Variants in HIVEP3 observed in about 807,000 individuals in gnomAD.
The protein encoded by HIVEP3 is transcription factor HIVEP3.
In HIVEP3, 49 loss-of-function variants were observed where a neutral mutation model predicts 152.8. That is an observed-to-expected ratio of 0.32 (90% CI 0.26 to 0.41). The LOEUF is 0.41. Ranked by LOEUF, HIVEP3 falls within the 10% of genes least tolerant of loss-of-function variation. The probability of loss-of-function intolerance (pLI) is 1.00; values close to 1 mark genes in which losing one functional copy is unlikely to be tolerated. For missense variants in HIVEP3, 2,790 were observed against 3,103.3 expected, an observed-to-expected ratio of 0.90 and a Z score of 2.40; for synonymous variants, 1,269 against 1,289.0, an observed-to-expected ratio of 0.98 and a Z score of 0.33.
intron 1 of HIVEP3, among the ~76,000 whole-genome samples, chr1:41,752,445 A>G (rs1647182090): frequency 6.6e-6 from 1 of 152,150 alleles, no homozygotes; most frequent in African/African-American, 2.4e-5. Context: ...TGCGGCTCTG[A>G]CTGTGATGTG....
chr1:41,564,628 T>G (rs1333658661), intron 5 of HIVEP3, among the ~76,000 whole-genome samples: 1 of 152,222 alleles, frequency 6.6e-6, no homozygotes, highest in East Asian at 1.9e-4. Context: ...AGCAATGTCT[T>G]GACAATACTG....
intron 1 of HIVEP3, among the ~76,000 whole-genome samples, chr1:41,784,763 T>TA (rs1054327439): frequency 5.3e-5 from 8 of 152,212 alleles, no homozygotes; most frequent in Non-Finnish European, 1.0e-4. Context: ...GTAGTCTTCT[T>TA]ACAACCACAT....
chr1:41,807,524 G>A (rs1650706368), intron 1 of HIVEP3, among the ~76,000 whole-genome samples: 2 of 152,184 alleles, frequency 1.3e-5, no homozygotes, highest in South Asian at 2.1e-4. Context: ...AATCCTGCCA[G>A]GCAGTTGTTC....
intron 1 of HIVEP3, among the ~76,000 whole-genome samples, chr1:41,768,528 T>G (rs79254366): frequency 0.012 from 1,834 of 152,294 alleles, 29 homozygotes; most frequent in East Asian, 0.076. Context: ...AATCTGTAAA[T>G]TTGTGGAATT....
At chr1:41,806,886 G>A (rs1000429482) in intron 1 of HIVEP3, among the ~76,000 whole-genome samples, 6 of 152,050 alleles carry the variant, frequency 3.9e-5, no homozygotes, top group East Asian at 3.9e-4. Flanking sequence ...TGATGTGCTC[G>A]CCACCCCTTG....
At chr1:41,529,205 T>C (rs1643147693) in intron 5 of HIVEP3, among the ~76,000 whole-genome samples, 1 of 77,808 alleles carries the variant, frequency 1.3e-5, no homozygotes, top group Non-Finnish European at 2.3e-5. Context: ...CTTACACCCA[T>C]ACACTCACAC....
At chr1:41,844,835 A>G (rs1355233031) in intron 1 of HIVEP3, among the ~76,000 whole-genome samples, 1 of 152,258 alleles carries the variant, frequency 6.6e-6, no homozygotes, top group Non-Finnish European at 1.5e-5. Flanking sequence ...CTAACATCTC[A>G]TATAGAATAA....
At chr1:41,906,599 T>C (rs932457514) in intron 1 of HIVEP3, among the ~76,000 whole-genome samples, 2 of 152,096 alleles carry the variant, frequency 1.3e-5, no homozygotes, top group African/African-American at 4.8e-5. Context: ...GTTCTATATT[T>C]TGATGGTGGT....
At chr1:41,949,054 T>C (rs2124490144) in intron 1 of HIVEP3, among the ~76,000 whole-genome samples, 1 of 152,204 alleles carries the variant, frequency 6.6e-6, no homozygotes, top group Non-Finnish European at 1.5e-5. Flanking sequence ...CACAACCAAC[T>C]CCTAATGCAT....
intron 1 of HIVEP3, among the ~76,000 whole-genome samples, chr1:42,005,194 T>C (rs1356732240): frequency 6.6e-6 from 1 of 152,156 alleles, no homozygotes; most frequent in East Asian, 1.9e-4. Flanking sequence ...GTTCCCAAAG[T>C]ATTTTGCCCT....
intron 1 of HIVEP3, among the ~76,000 whole-genome samples, chr1:41,802,527 T>C (rs188983597): frequency 3.9e-5 from 6 of 152,318 alleles, no homozygotes; most frequent in Admixed American, 3.3e-4. Flanking sequence ...CAAGCTTTTT[T>C]CTTTTTTTGG....
rs1420372193 is a variant in HIVEP3 at position 41,664,028 on chromosome 1, A to G, written c.-720-35081T>C. On this transcript the variant is annotated intron_variant, in intron 2 of 8. Coordinates refer to ENST00000372583, the MANE Select transcript of HIVEP3 (RefSeq NM_024503.5). The surrounding 1 kb of genome is among the most constrained non-coding windows in gnomAD (Gnocchi z 4.4). The stretch of plus-strand genomic sequence containing the variant: ...GCCATTTGCCCAGCCACCACCCCCA[A>G]CACGCACCACTTTGCACCAGTTTCC... Among the ~76,000 whole-genome samples the G allele has an allele frequency of 1.3e-5, 2 of 152,110 alleles. No homozygotes were observed. Among genetic ancestry groups the G allele is most frequent in the African/African-American group, 4.8e-5 (2 of 41,418 alleles).
intron 1 of HIVEP3, among the ~76,000 whole-genome samples, chr1:41,803,793 C>T (rs1414871562): frequency 6.6e-6 from 1 of 152,206 alleles, no homozygotes; most frequent in Non-Finnish European, 1.5e-5. Context: ...ACACAAACTC[C>T]CCTTGTTGAG....
At chr1:41,792,110 T>G (rs956199813) in intron 1 of HIVEP3, among the ~76,000 whole-genome samples, 1 of 152,212 alleles carries the variant, frequency 6.6e-6, no homozygotes, top group Non-Finnish European at 1.5e-5. Flanking sequence ...CATTTAGTCA[T>G]CCACCTGTAC....
rs754840664 is a variant in HIVEP3, at chr1:41,582,283, AGCGTCC to A, written c.2509_2514del (p.Gly837_Arg838del). The A allele has an allele frequency of 6.2e-7, 1 of 1,614,024 alleles. No homozygotes were observed. Among genetic ancestry groups the A allele is most frequent in the East Asian group, 2.2e-5 (1 of 44,872 alleles). On this transcript the variant is annotated inframe_deletion, in exon 4 of 9. Transcript: ENST00000372583. This position sits in a 1 kb window ranked among gnomAD's most constrained non-coding sequence, Gnocchi z 4.7. ...AACTTAGGCTGCAGGGAGTGAGCAG[AGCGTCC>A]GTGTGGGGCAGGTGGGGGTGATGGG...
At chr1:42,029,197 G>A (rs1161968825) in intron 1 of HIVEP3, among the ~76,000 whole-genome samples, 2 of 152,168 alleles carry the variant, frequency 1.3e-5, no homozygotes, top group Non-Finnish European at 2.9e-5. Flanking sequence ...GGTTCAGTGT[G>A]AAGATTTCAT....
Position 41,903,752 on chromosome 1 carries a change from C to T in HIVEP3, c.-801+14661G>A, listed in dbSNP as rs116944980. Among the ~76,000 whole-genome samples, 118 of 150,144 alleles carry T rather than the reference C, an allele frequency of 7.9e-4. 1 individual carries two copies. In the East Asian group the frequency reaches 0.021, roughly 27 times the overall value. The stretch of plus-strand genomic sequence containing the variant: ...GCTGATGGCTTTCTGTCCAGGGAGC[C>T]GTTTAGACTCAGAGTACACACATGC... On this transcript the variant is annotated intron_variant, in intron 1 of 8. Coordinates refer to ENST00000372583, the MANE Select transcript of HIVEP3 (RefSeq NM_024503.5).
chr1:41,825,174 A>C (rs539651980), intron 1 of HIVEP3, among the ~76,000 whole-genome samples: 1 of 152,114 alleles, frequency 6.6e-6, no homozygotes, highest in Admixed American at 6.5e-5. Flanking sequence ...TAGGCGTTGG[A>C]GTTACGAGCA....
intron 1 of HIVEP3, among the ~76,000 whole-genome samples, chr1:41,768,469 C>T (rs1221338742): frequency 6.6e-6 from 1 of 152,218 alleles, no homozygotes; most frequent in Non-Finnish European, 1.5e-5. Flanking sequence ...CGAACCATAT[C>T]TCCATCTAAG....
Sources: gnomAD v4.1 joint callset for allele counts (sites outside exome capture counted in the v4.1 genomes callset) on GRCh38, gnomAD v4.1.1 for gene constraint, Gnocchi (gnomAD v3.1) non-coding constraint, MANE v1.5 for transcripts, NCBI Gene and HGNC (gene_info 2026-07-23, HGNC 2026-07-21) for gene names.